The following SPAM1 variants were observed in gnomAD, a reference collection of about 807,000 sequenced individuals.
SPAM1 encodes the protein hyaluronidase PH-20.
In SPAM1, 22 loss-of-function variants were observed where a neutral mutation model predicts 29.6. The ratio of observed to expected loss-of-function variants is 0.74; its 90% CI spans 0.53 to 1.06. SPAM1 has a LOEUF of 1.06. Among genes scored for constraint, SPAM1 ranks in the 50% least tolerant of loss-of-function variants. The probability of loss-of-function intolerance (pLI) is 0.00; values close to 1 mark genes in which losing one functional copy is unlikely to be tolerated. For synonymous variants in SPAM1, 194 were observed against 204.6 expected (o/e 0.95, Z 0.44); for missense variants, 534 against 604.0 (o/e 0.88, Z 1.21).
intron 5 of SPAM1, among the ~76,000 whole-genome samples, chr7:123,967,342 T>A (rs186998197): frequency 6.6e-6 from 1 of 152,214 alleles, no homozygotes; most frequent in Admixed American, 6.5e-5. Context: ...TGTTTTGTGA[T>A]TGTCTGCAAG....
chr7:123,933,637 G>A (rs1003805662), intron 1 of SPAM1, among the ~76,000 whole-genome samples: 4 of 152,078 alleles, frequency 2.6e-5, no homozygotes, highest in African/African-American at 4.8e-5. Flanking sequence ...TCATAAGAAT[G>A]TTCTCTTCTT....
At chr7:123,927,428 T>C (rs2117012337) in intron 1 of SPAM1, among the ~76,000 whole-genome samples, 1 of 152,308 alleles carries the variant, frequency 6.6e-6, no homozygotes, top group Middle Eastern at 3.4e-3. Flanking sequence ...GGAGGGCATC[T>C]ATAGCGATTT....
intron 1 of SPAM1, among the ~76,000 whole-genome samples, chr7:123,948,493 G>T (rs534748695): frequency 6.6e-6 from 1 of 152,194 alleles, no homozygotes; most frequent in South Asian, 2.1e-4. Flanking sequence ...AGTATCCTGA[G>T]GCTTCCTGAG....
downstream of SPAM1, among the ~76,000 whole-genome samples, chr7:123,963,891 C>G (rs1272865848): frequency 6.6e-6 from 1 of 151,862 alleles, no homozygotes; most frequent in Non-Finnish European, 1.5e-5. Context: ...CAAAAGTTAG[C>G]TAGTACAGTG....
At position 123,942,779 on chromosome 7, in the gene SPAM1, C is replaced by T. The variant is rs184818044; in HGVS notation, c.-318-7093C>T. Among the ~76,000 whole-genome samples, 371 of 152,228 alleles carry T rather than the reference C, an allele frequency of 2.4e-3. 1 individual carries two copies. The highest frequency in any genetic ancestry group is 8.5e-3 in the African/African-American group (354 of 41,542). ...CTGTGTAGACAAGATATAAGATCAG[C>T]TTTCTGAAGGGGCTTTTATTGCCTC... On this transcript the variant is annotated intron_variant, in intron 1 of 4. Transcript: ENST00000682466.
At chr7:123,966,689 G>A (rs933240280) in intron 5 of SPAM1, among the ~76,000 whole-genome samples, 1 of 151,968 alleles carries the variant, frequency 6.6e-6, no homozygotes, top group South Asian at 2.1e-4. Context: ...AACACCACAT[G>A]TTCTTCTTAC....
chr7:123,955,581 C>G (rs1008119787), intron 4 of SPAM1, among the ~76,000 whole-genome samples: 1 of 151,982 alleles, frequency 6.6e-6, no homozygotes, highest in Non-Finnish European at 1.5e-5. Context: ...AGATGAAGCT[C>G]ATGGCCCAAG....
At chr7:123,956,255 T>C (rs2117065041) in intron 4 of SPAM1, among the ~76,000 whole-genome samples, 1 of 152,180 alleles carries the variant, frequency 6.6e-6, no homozygotes, top group Non-Finnish European at 1.5e-5. Context: ...CTTAATGGCA[T>C]TGTCCCAAAA....
intron 1 of SPAM1, among the ~76,000 whole-genome samples, chr7:123,934,738 A>G (rs1336059102): frequency 6.6e-6 from 1 of 152,192 alleles, no homozygotes; most frequent in Non-Finnish European, 1.5e-5. Context: ...TAAGCACAGA[A>G]AGATAAATAC....
chr7:123,963,316 A>AT (rs1416238837), downstream of SPAM1, among the ~76,000 whole-genome samples: 2 of 150,532 alleles, frequency 1.3e-5, no homozygotes, highest in Non-Finnish European at 3.0e-5. Flanking sequence ...TAATGTTGAC[A>AT]TTTTTTTCAT....
chr7:123,937,459 G>GT (rs1395251884), intron 1 of SPAM1, among the ~76,000 whole-genome samples: 1 of 151,890 alleles, frequency 6.6e-6, no homozygotes, highest in Non-Finnish European at 1.5e-5. Context: ...AAATTAGCCG[G>GT]GCATGGTGGC....
At chr7:123,947,916 G>A (rs1808637268) in intron 1 of SPAM1, 1 of 152,034 alleles carries the variant, frequency 6.6e-6, no homozygotes, top group African/African-American at 2.4e-5. Context: ...AAGAATCTCT[G>A]GCTTGTTCAA....
intron 1 of SPAM1, among the ~76,000 whole-genome samples, chr7:123,933,559 T>A (rs1308556611): frequency 6.6e-6 from 1 of 152,190 alleles, no homozygotes; most frequent in Non-Finnish European, 1.5e-5. Flanking sequence ...ATTGGGGAAC[T>A]AATGGAAGAT....
At chr7:123,959,382 G>C (rs1471532512) in intron 4 of SPAM1, 102 bp from the exon 5 acceptor site, 2 of 740,058 alleles carry the variant, frequency 2.7e-6, no homozygotes, top group African/African-American at 3.5e-5. Flanking sequence ...GCTATCTCTG[G>C]TTTTCATTCT....
chr7:123,958,313 C>A (rs1262682566), intron 4 of SPAM1, among the ~76,000 whole-genome samples: 2 of 151,950 alleles, frequency 1.3e-5, no homozygotes, highest in African/African-American at 4.8e-5. Context: ...TTCAATATTT[C>A]TCAAAGGACA....
At chr7:123,946,655 G>A (rs1437297955) in intron 1 of SPAM1, among the ~76,000 whole-genome samples, 4 of 152,108 alleles carry the variant, frequency 2.6e-5, no homozygotes, top group Admixed American at 6.5e-5. Context: ...GTCCAGCAGG[G>A]CAGGACAACT....
chr7:123,939,989 G>A (rs1359798142), intron 1 of SPAM1, among the ~76,000 whole-genome samples: 1 of 151,894 alleles, frequency 6.6e-6, no homozygotes, highest in Non-Finnish European at 1.5e-5. Context: ...ACTTTTCCTT[G>A]TTGTTTTTGG....
chr7:123,970,708 G>A (rs1792487207), intron 6 of SPAM1, among the ~76,000 whole-genome samples: 1 of 151,446 alleles, frequency 6.6e-6, no homozygotes, highest in African/African-American at 2.4e-5. Context: ...AGTACCCTTA[G>A]AATGTTTATT....
intron 1 of SPAM1, among the ~76,000 whole-genome samples, chr7:123,933,064 T>TA (rs1808136335): frequency 6.6e-6 from 1 of 151,812 alleles, no homozygotes; most frequent in African/African-American, 2.4e-5. Context: ...TTTTTTTTTT[T>TA]TAAATTTACT....
Sources: gnomAD v4.1 joint callset for allele counts (sites outside exome capture counted in the v4.1 genomes callset) on GRCh38, gnomAD v4.1.1 for gene constraint, MANE v1.5 for transcripts, NCBI Gene and HGNC (gene_info 2026-07-23, HGNC 2026-07-21) for gene names.